The following FOXP2 variants were observed in gnomAD, a reference collection of about 807,000 sequenced individuals.
The protein encoded by FOXP2 is forkhead box protein P2.
A neutral mutation model predicts 115.8 loss-of-function variants in FOXP2; 12 were observed. The observed-to-expected ratio is 0.10, with a 90% confidence interval of 0.07 to 0.17. The LOEUF (loss-of-function observed/expected upper bound fraction) is 0.17, where lower values mean the gene tolerates loss of function less well. Ranked by LOEUF, FOXP2 falls within the 10% of genes least tolerant of loss-of-function variation. The pLI is 1.00. For missense variants in FOXP2, 629 were observed against 843.5 expected (o/e 0.75, Z 3.15); for synonymous variants, 328 against 297.7 (o/e 1.10, Z -1.05).
chr7:114,144,250 A>G (rs1584505083), intron 1 of FOXP2, among the ~76,000 whole-genome samples: 1 of 152,090 alleles, frequency 6.6e-6, no homozygotes, highest in East Asian at 1.9e-4. Flanking sequence ...CTGTATTTTT[A>G]TTTAATTTTC....
At chr7:114,569,833 T>C (rs189480764) in intron 3 of FOXP2, among the ~76,000 whole-genome samples, 3 of 152,094 alleles carry the variant, frequency 2.0e-5, no homozygotes, top group Admixed American at 2.0e-4. Flanking sequence ...ACTTCATAGA[T>C]GTATTTGAAA....
intron 3 of FOXP2, among the ~76,000 whole-genome samples, chr7:114,542,579 T>G (rs1208642472): frequency 6.6e-6 from 1 of 152,132 alleles, no homozygotes; most frequent in Non-Finnish European, 1.5e-5. Flanking sequence ...TCATTGTTCC[T>G]TAATCTTTTG....
chr7:114,205,759 G>T (rs1198836891), intron 1 of FOXP2, among the ~76,000 whole-genome samples: 1 of 152,130 alleles, frequency 6.6e-6, no homozygotes, highest in Non-Finnish European at 1.5e-5. Context: ...GAAGCAAAGT[G>T]GCTCTTCAAG....
chr7:114,234,982 T>C (rs1480269666), intron 1 of FOXP2, among the ~76,000 whole-genome samples: 1 of 152,294 alleles, frequency 6.6e-6, no homozygotes, highest in East Asian at 1.9e-4. Context: ...ACTAGTCCCT[T>C]TTATTTTAGA....
At chr7:114,686,177 CTTT>C (rs1032625310) in intron 16 of FOXP2, among the ~76,000 whole-genome samples, 2 of 144,576 alleles carry the variant, frequency 1.4e-5, no homozygotes, top group African/African-American at 2.5e-5. Context: ...TATAATACTT[CTTT>C]TTTTTTTTTT....
chr7:114,572,485 C>A (rs1801355622), intron 3 of FOXP2, among the ~76,000 whole-genome samples: 1 of 151,584 alleles, frequency 6.6e-6, no homozygotes, highest in Non-Finnish European at 1.5e-5. Context: ...ATCTTAATTT[C>A]TAAGTATTCT....
intron 1 of FOXP2, among the ~76,000 whole-genome samples, chr7:114,267,505 G>C (rs763223844): frequency 3.2e-4 from 49 of 151,884 alleles, no homozygotes; most frequent in Non-Finnish European, 2.9e-5. Context: ...AAGGCAAGCA[G>C]ATCACGAGTT....
chr7:114,357,489 C>T (rs1400124102), intron 2 of FOXP2, among the ~76,000 whole-genome samples: 3 of 152,128 alleles, frequency 2.0e-5, no homozygotes, highest in Non-Finnish European at 2.9e-5. Flanking sequence ...TTCATAATAT[C>T]AGCCTTGTCC....
chr7:114,681,426 CTATATG>C (rs908083657), intron 16 of FOXP2, among the ~76,000 whole-genome samples: 2 of 152,082 alleles, frequency 1.3e-5, no homozygotes, highest in Admixed American at 1.3e-4. Context: ...ATTTTTCTAG[CTATATG>C]TATATTATCA....
At chr7:114,221,568 C>T (rs982224932) in intron 1 of FOXP2, among the ~76,000 whole-genome samples, 2 of 152,030 alleles carry the variant, frequency 1.3e-5, no homozygotes, top group African/African-American at 2.4e-5. Flanking sequence ...TTACCCCCCT[C>T]CCCCAGCCAT....
chr7:114,134,385 C>T (rs575045846), intron 1 of FOXP2, among the ~76,000 whole-genome samples: 1 of 152,260 alleles, frequency 6.6e-6, no homozygotes, highest in African/African-American at 2.4e-5. Flanking sequence ...AAAATTTTCT[C>T]TGTTGTATGG....
At chr7:114,625,095 A>T (rs10279809) in intron 3 of FOXP2, among the ~76,000 whole-genome samples, 19,716 of 151,590 alleles carry the variant, frequency 0.13, 1,557 homozygotes, top group African/African-American at 0.21. Flanking sequence ...AAATAAGGGT[A>T]AATGGAGACC....
At chr7:114,289,340 C>T (rs13222273) in intron 2 of FOXP2, among the ~76,000 whole-genome samples, 8,170 of 151,818 alleles carry the variant, frequency 0.054, 290 homozygotes, top group Non-Finnish European at 0.08. Flanking sequence ...TTAAAATGAT[C>T]TGGAAAAAGT....
rs1563084979 is a variant in FOXP2 at position 114,693,403 on chromosome 7, TATG to T, written c.*3480_*3482del. The stretch of plus-strand genomic sequence containing the variant: ...GGGCAGATTCAGTCGCAAAATCCAA[TATG>T]ATATTTTGTAAAGTTTTCAAGTTGG... On this transcript the variant is annotated 3_prime_UTR_variant, in exon 17 of 17. Transcript: ENST00000350908. 1 of 453,770 alleles carries T rather than the reference TATG, an allele frequency of 2.2e-6. No homozygotes were observed. The highest frequency in any genetic ancestry group is 6.9e-5 in the East Asian group (1 of 14,398). 28.1% of individuals were successfully genotyped at this position (453,770 alleles called of 1,614,324 possible).
At chr7:114,550,107 C>CTTTTA (rs1800126712) in intron 3 of FOXP2, among the ~76,000 whole-genome samples, 4 of 118,018 alleles carry the variant, frequency 3.4e-5, no homozygotes, top group African/African-American at 1.4e-4. Context: ...ATCTTCCTTT[C>CTTTTA]TTTTCTTTTT....
Position 114,379,655 on chromosome 7 carries a change from C to A in FOXP2, c.-10-46847C>A, listed in dbSNP as rs144201703. Among the ~76,000 whole-genome samples, 1,369 of 152,236 alleles carry A rather than the reference C, an allele frequency of 9.0e-3. 18 individuals carry two copies. Among genetic ancestry groups the A allele is most frequent in the African/African-American group, 0.03 (1,261 of 41,540 alleles). ...ATTTGAAAAACCATTTGTAGTTTTACAGTTTCAATTCTGGAAGAGACAAAC... is the reference window on the plus strand; with the variant it reads ...ATTTGAAAAACCATTTGTAGTTTTAAAGTTTCAATTCTGGAAGAGACAAAC... On this transcript the variant is annotated intron_variant, in intron 2 of 17. Coordinates refer to the FOXP2 transcript ENST00000634411.
chr7:114,310,222 C>G (rs1345887174), intron 2 of FOXP2, among the ~76,000 whole-genome samples: 1 of 152,134 alleles, frequency 6.6e-6, no homozygotes, highest in Non-Finnish European at 1.5e-5. Context: ...AACTGAGGGA[C>G]CAATTGAGTT....
At chr7:114,659,183 G>T (rs943666263) in intron 11 of FOXP2, among the ~76,000 whole-genome samples, 173 bp from the exon 12 acceptor site, 1 of 152,130 alleles carries the variant, frequency 6.6e-6, no homozygotes, top group Non-Finnish European at 1.5e-5. Context: ...TTTGCACTTC[G>T]CGTCAGAAAT....
At position 114,626,553 on chromosome 7, in the gene FOXP2, G is replaced by C. The variant is rs201242364; in HGVS notation, c.259-1987G>C. On this transcript the variant is annotated intron_variant, in intron 3 of 16. Coordinates refer to ENST00000350908, the MANE Select transcript of FOXP2 (RefSeq NM_014491.4). ...CATATCTCTCTCTCTCTCTCTCTCT[G>C]TCTCTCTCTCTATATATATCCATGT... 7.1e-3 allele frequency among the ~76,000 whole-genome samples: 970 copies of C among 135,998 alleles called. 11 individuals are homozygous for C. Among genetic ancestry groups the C allele is most frequent in the African/African-American group, 0.023 (909 of 40,306 alleles). The allele number at this position is 135,998 out of a possible 152,430, so 89.2% of individuals were successfully genotyped here.
Sources: allele counts gnomAD v4.1 joint callset (sites outside exome capture counted in the v4.1 genomes callset), GRCh38; gene constraint gnomAD v4.1.1; transcripts MANE v1.5; gene names NCBI Gene and HGNC (gene_info 2026-07-23, HGNC 2026-07-21).